RUNX1T1: variants seen among roughly 807,000 people sequenced by gnomAD.
RUNX1T1 encodes protein CBFA2T1.
In RUNX1T1, 4 loss-of-function variants were observed where a neutral mutation model predicts 62.8. The ratio of observed to expected loss-of-function variants is 0.06; its 90% CI spans 0.03 to 0.15. RUNX1T1 has a LOEUF of 0.15. RUNX1T1 is among the 10% of genes least tolerant of loss of function. RUNX1T1 has a pLI of 1.00. For synonymous variants in RUNX1T1, 291 were observed against 286.0 expected, an observed-to-expected ratio of 1.02 and a Z score of -0.18; for missense variants, 508 against 754.3, an observed-to-expected ratio of 0.67 and a Z score of 3.82.
chr8:92,075,906 G>A (rs1834350721), intron 2 of RUNX1T1, 59 bp downstream of exon 2: 1 of 1,421,012 alleles, frequency 7.0e-7, no homozygotes, highest in Non-Finnish European at 9.7e-7. Flanking sequence ...GGAAAAAATA[G>A]ATTGATTTTT....
intron 1 of RUNX1T1, chr8:92,095,763 A>C (rs1452840816): frequency 2.6e-6 from 1 of 385,688 alleles, no homozygotes; most frequent in East Asian, 4.3e-5. Context: ...CTATCTGGGA[A>C]TGAGAGGCAG....
intron 1 of RUNX1T1, among the ~76,000 whole-genome samples, chr8:92,018,742 C>CATTTAA (rs1563769265): frequency 6.6e-6 from 1 of 152,142 alleles, no homozygotes; most frequent in Non-Finnish European, 1.5e-5. Flanking sequence ...TGCAATAAAA[C>CATTTAA]ACAACATTTA....
At chr8:92,070,132 T>C (rs1220454238) in intron 2 of RUNX1T1, among the ~76,000 whole-genome samples, 1 of 152,182 alleles carries the variant, frequency 6.6e-6, no homozygotes, top group East Asian at 1.9e-4. Context: ...ATTCTCCCCA[T>C]TCAGTTTTCA....
chr8:92,001,047 T>C (rs560746469), intron 5 of RUNX1T1, among the ~76,000 whole-genome samples: 27 of 152,078 alleles, frequency 1.8e-4, no homozygotes, highest in Non-Finnish European at 3.5e-4. Flanking sequence ...GGGGGCCAGC[T>C]GGGTGTGGTG....
chr8:92,055,596 C>T (rs193267221), intron 1 of RUNX1T1, among the ~76,000 whole-genome samples: 61 of 152,212 alleles, frequency 4.0e-4, no homozygotes, highest in African/African-American at 1.3e-3. Flanking sequence ...CACGTGCCAC[C>T]ACGCCTGGCT....
At chr8:92,010,302 T>C (rs1048639830) in intron 4 of RUNX1T1, 1 of 152,258 alleles carries the variant, frequency 6.6e-6, no homozygotes, top group African/African-American at 2.4e-5. Flanking sequence ...GCCCAAGCAA[T>C]ATGCTTACCC....
chr8:92,007,967 C>CAAAAAA (rs34232877), intron 4 of RUNX1T1, among the ~76,000 whole-genome samples: 2 of 85,372 alleles, frequency 2.3e-5, no homozygotes, highest in African/African-American at 7.5e-5. Context: ...GACTTTGTTT[C>CAAAAAA]AAAAAAAAAA....
At chr8:92,011,260 A>G (rs1244610832) in intron 3 of RUNX1T1, among the ~76,000 whole-genome samples, 169 bp from the exon 5 acceptor site, 1 of 152,224 alleles carries the variant, frequency 6.6e-6, no homozygotes, top group Non-Finnish European at 1.5e-5. Context: ...ATGATCACAC[A>G]GTTTATTGCA....
chr8:91,999,862 T>A (rs1446063155), intron 5 of RUNX1T1, among the ~76,000 whole-genome samples: 1 of 152,120 alleles, frequency 6.6e-6, no homozygotes, highest in Non-Finnish European at 1.5e-5. Context: ...GCAGAAACCA[T>A]CAGCTGGAAT....
upstream of RUNX1T1, among the ~76,000 whole-genome samples, chr8:92,065,355 T>C (rs1424603349): frequency 6.6e-6 from 1 of 152,124 alleles, no homozygotes; most frequent in Non-Finnish European, 1.5e-5. Context: ...GGAAACATAT[T>C]TTATAAAACT....
At chr8:91,958,294 C>A, downstream of RUNX1T1, 2 of 199,284 alleles carry the variant, frequency 1.0e-5, no homozygotes, top group East Asian at 7.4e-5. Context: ...CTGGTCTGGA[C>A]CCTGGACAAC....
intron 2 of RUNX1T1, among the ~76,000 whole-genome samples, chr8:92,072,032 T>G (rs1833765105): frequency 6.6e-6 from 1 of 152,176 alleles, no homozygotes; most frequent in Non-Finnish European, 1.5e-5. Context: ...AACAAAAAAG[T>G]ACCTTAATGG....
rs895286042 is a variant in RUNX1T1, at chr8:92,007,674, G to A, written c.478-2377C>T. Among the ~76,000 whole-genome samples the A allele has an allele frequency of 4.6e-5, 7 of 152,018 alleles. No individual in the cohort carries two copies. In the East Asian group the frequency reaches 7.7e-4, roughly 17 times the overall value. On this transcript the variant is annotated intron_variant, in intron 4 of 10. Coordinates refer to ENST00000396218, the Ensembl canonical transcript of RUNX1T1. Reference sequence around the variant, plus strand: ...GCATGTACTGTACTGAATACTGTAGGCAACTATAGCACAATGACAAGTATT... The same window carrying A: ...GCATGTACTGTACTGAATACTGTAGACAACTATAGCACAATGACAAGTATT...
intron 1 of RUNX1T1, among the ~76,000 whole-genome samples, chr8:92,076,515 T>G (rs1257779528): frequency 6.6e-6 from 1 of 152,144 alleles, no homozygotes; most frequent in East Asian, 1.9e-4. Context: ...AGAAAACAAT[T>G]TAGACATTAT....
rs1399010868 is a variant in RUNX1T1, at chr8:92,017,579, T to G, written c.8-216A>C. 6 of 1,422,332 alleles carry G rather than the reference T, an allele frequency of 4.2e-6. No homozygotes were observed. In the African/African-American group the frequency reaches 7.2e-5, roughly 17 times the overall value. 88.1% of individuals were successfully genotyped at this position (1,422,332 alleles called of 1,614,324 possible). On this transcript the variant is annotated intron_variant, in intron 1 of 10. Transcript: ENST00000396218. ...TGGCAGGACCTCATTTGTAACTAGG[T>G]TATATTATATCCTATTGTTATTTCT...
intron 5 of RUNX1T1, among the ~76,000 whole-genome samples, chr8:91,993,940 C>T (rs187670436): frequency 2.7e-4 from 41 of 152,150 alleles, no homozygotes; most frequent in African/African-American, 9.6e-4. Flanking sequence ...TGCAGTGAGC[C>T]GAGATTGTGC....
intron 5 of RUNX1T1, among the ~76,000 whole-genome samples, chr8:91,996,192 T>A (rs1818629839): frequency 6.6e-6 from 1 of 152,036 alleles, no homozygotes; most frequent in African/African-American, 2.4e-5. Context: ...TGTTTTTTAT[T>A]TTTTTTATTT....
intron 8 of RUNX1T1, among the ~76,000 whole-genome samples, chr8:91,984,114 T>C (rs2130803295): frequency 6.6e-6 from 1 of 152,330 alleles, no homozygotes; most frequent in Admixed American, 6.5e-5. Context: ...ATATCTCAGG[T>C]TTAACAAAAA....
intron 1 of RUNX1T1, among the ~76,000 whole-genome samples, chr8:92,089,925 TAAAAAA>T (rs36052605): frequency 1.0e-4 from 8 of 80,162 alleles, no homozygotes; most frequent in African/African-American, 2.8e-4. Flanking sequence ...TCCCTGAATT[TAAAAAA>T]AAAAAAAAAA....
Sources: gnomAD v4.1 joint callset for allele counts (sites outside exome capture counted in the v4.1 genomes callset) on GRCh38, gnomAD v4.1.1 for gene constraint, MANE v1.5 for transcripts, NCBI Gene and HGNC (gene_info 2026-07-23, HGNC 2026-07-21) for gene names.